Variants in IDE observed in about 807,000 individuals in gnomAD.
IDE encodes insulin-degrading enzyme.
Under a neutral mutation model 133.2 loss-of-function variants are expected in IDE, and 58 were observed. That is an observed-to-expected ratio of 0.44 (90% CI 0.35 to 0.54). The LOEUF (loss-of-function observed/expected upper bound fraction) is 0.54. Ranked by LOEUF, IDE falls within the 20% of genes least tolerant of loss-of-function variation. The pLI is 0.00. For synonymous variants in IDE, 396 were observed against 421.3 expected, an observed-to-expected ratio of 0.94 and a Z score of 0.73; for missense variants, 981 against 1,234.0, an observed-to-expected ratio of 0.79 and a Z score of 3.07.
In IDE at chr10:92,506,553, G is replaced by A. The variant is rs76303615; in HGVS notation, c.1246-31C>T. 1.2e-3 allele frequency: 1,289 copies of A among 1,075,714 alleles called. 7 individuals are homozygous for A. The highest frequency in any genetic ancestry group is 0.01 in the East Asian group (437 of 41,676). 66.6% of individuals were successfully genotyped at this position (1,075,714 alleles called of 1,614,324 possible). On this transcript the variant is annotated intron_variant, in intron 9 of 24. Transcript: ENST00000265986. ...ATAGAAAGTTAATCCAATTAGATAC[G>A]GCCACCCTTATTTAGAAACCTTTTT...
intron 3 of IDE, 124 bp downstream of exon 3, chr10:92,534,454 G>T: frequency 1.5e-6 from 1 of 647,412 alleles, no homozygotes; most frequent in Non-Finnish European, 2.6e-6. Context: ...AGAAAACACA[G>T]GGAAAAACAC....
chr10:92,530,437 C>T (rs1033991016), intron 4 of IDE, among the ~76,000 whole-genome samples: 11 of 151,878 alleles, frequency 7.2e-5, no homozygotes. Context: ...AGGCACACAC[C>T]ACCATGCCTG....
At chr10:92,493,319 T>G (rs1402386007) in intron 11 of IDE, among the ~76,000 whole-genome samples, 1 of 152,082 alleles carries the variant, frequency 6.6e-6, no homozygotes, top group Non-Finnish European at 1.5e-5. Context: ...TCAAGGAGAC[T>G]TCTAAAAAAT....
chr10:92,459,899 A>G (rs1845273464), intron 22 of IDE, among the ~76,000 whole-genome samples: 1 of 139,674 alleles, frequency 7.2e-6, no homozygotes, highest in Non-Finnish European at 1.5e-5. Context: ...GTGCGATCTC[A>G]GCTCACTGCA....
intron 4 of IDE, among the ~76,000 whole-genome samples, chr10:92,520,467 T>C (rs1013610172): frequency 1.3e-5 from 2 of 152,224 alleles, no homozygotes; most frequent in African/African-American, 2.4e-5. Context: ...TCCAATAGTA[T>C]GTTCTCAGGG....
At chr10:92,537,769 G>T (rs1842089455) in intron 1 of IDE, among the ~76,000 whole-genome samples, 1 of 152,118 alleles carries the variant, frequency 6.6e-6, no homozygotes, top group African/African-American at 2.4e-5. Context: ...AGCCATATTT[G>T]TATCTGAAAG....
chr10:92,460,042 T>C (rs988622882), intron 22 of IDE, among the ~76,000 whole-genome samples: 9 of 152,062 alleles, frequency 5.9e-5, no homozygotes, highest in Non-Finnish European at 1.0e-4. Flanking sequence ...TTTCACTATG[T>C]TGGCCAGGCT....
chr10:92,461,363 ATT>A, intron 21 of IDE, 111 bp from the exon 22 acceptor site: 3 of 481,526 alleles, frequency 6.2e-6, no homozygotes, highest in East Asian at 3.8e-5. Flanking sequence ...ATCCATATAT[ATT>A]TTTTTTTGAG....
intron 1 of IDE, chr10:92,558,969 T>C (rs1397142712): frequency 6.8e-6 from 1 of 147,074 alleles, no homozygotes; most frequent in Non-Finnish European, 1.5e-5. Flanking sequence ...AGAAAAAGGA[T>C]CTGAGTAGAC....
intron 1 of IDE, among the ~76,000 whole-genome samples, chr10:92,542,078 T>C (rs189258690): frequency 1.1e-3 from 160 of 152,348 alleles, no homozygotes; most frequent in Admixed American, 7.3e-3. Context: ...CATCACACTA[T>C]GCAAATGGTT....
At chr10:92,504,615 A>G (rs1848196143) in intron 11 of IDE, among the ~76,000 whole-genome samples, 179 bp downstream of exon 11, 1 of 152,196 alleles carries the variant, frequency 6.6e-6, no homozygotes. Context: ...GTATAGATTA[A>G]AAAAGACTGG....
In IDE at chr10:92,545,047, G is replaced by A. The variant is rs541162378; in HGVS notation, c.99-7497C>T. On this transcript the variant is annotated intron_variant, in intron 1 of 24. Transcript: ENST00000265986. ...GTACTTAAATTCAACAACCATTCAC[G>A]TATTTTTTTAAAGTCAGCAAACTGG... Among the ~76,000 whole-genome samples the A allele has an allele frequency of 5.9e-5, 9 of 152,002 alleles. No individual in the cohort carries two copies. In the South Asian group the frequency reaches 1.0e-3, roughly 18 times the overall value.
At chr10:92,556,490 G>A (rs985237475) in intron 1 of IDE, among the ~76,000 whole-genome samples, 2 of 152,188 alleles carry the variant, frequency 1.3e-5, no homozygotes, top group East Asian at 3.9e-4. Context: ...TGGGTGCAGT[G>A]GCTCACCCCT....
intron 1 of IDE, among the ~76,000 whole-genome samples, chr10:92,568,424 A>G (rs1257401470): frequency 6.6e-6 from 1 of 152,260 alleles, no homozygotes; most frequent in Non-Finnish European, 1.5e-5. Context: ...CAAAAGCTAT[A>G]AAACTAAAAT....
Position 92,505,218 on chromosome 10 carries a change from G to GA in IDE, c.1327-322dup, listed in dbSNP as rs1564630887. On this transcript the variant is annotated intron_variant, in intron 10 of 24. Transcript: ENST00000265986. The stretch of plus-strand genomic sequence containing the variant: ...TAAAAACTGAGTACTTGTTAATGAA[G>GA]AAAATTCGATATTAAAATGCTGACA... Among the ~76,000 whole-genome samples the GA allele has an allele frequency of 2.0e-5, 3 of 152,186 alleles. 1 individual carries two copies. The East Asian group carries it at 5.8e-4, about 29-fold the overall frequency.
intron 11 of IDE, among the ~76,000 whole-genome samples, chr10:92,492,191 C>T (rs759569467): frequency 6.6e-6 from 1 of 150,816 alleles, no homozygotes; most frequent in East Asian, 2.0e-4. Flanking sequence ...ACCCGGAAGG[C>T]GGAGCATGCA....
chr10:92,535,126 C>A (rs763978721), intron 2 of IDE, among the ~76,000 whole-genome samples: 20 of 152,132 alleles, frequency 1.3e-4, no homozygotes, highest in Admixed American at 3.3e-4. Context: ...ATTTTTGAGA[C>A]GGAGTCTTGC....
At chr10:92,455,426 A>T in intron 24 of IDE, 150 bp downstream of exon 24, 1 of 597,766 alleles carries the variant, frequency 1.7e-6, no homozygotes, top group East Asian at 2.8e-5. Context: ...TAGTGAGCTG[A>T]GCTGAGATCG....
chr10:92,510,105 T>C lies in IDE; in HGVS notation c.842A>G (p.Lys281Arg). 2 of 1,607,272 alleles carry C rather than the reference T, an allele frequency of 1.2e-6. No individual in the cohort carries two copies. The highest frequency in any genetic ancestry group is 1.7e-6 in the Non-Finnish European group (2 of 1,174,846). ...VVKLFSEVEN[K>R]NVPLPEFPEH... ...AGGAAATTCTGGCAATGGAACATTTTTGTTCTCTACTTCAGAAAATAACTT... is the reference window on the plus strand; with the variant it reads ...AGGAAATTCTGGCAATGGAACATTTCTGTTCTCTACTTCAGAAAATAACTT... Residue 281 changes from lysine (K) to arginine (R), a missense_variant, in exon 6 of 25, where the codon AAA (lysine) becomes AGA (arginine). Around this residue, in one of 2 missense-constraint regions of IDE, gnomAD observed 321 missense variants for 339.3 expected, o/e 0.95. Coordinates refer to ENST00000265986, the MANE Select transcript of IDE (RefSeq NM_004969.4).
Sources: gnomAD v4.1 joint callset for allele counts (sites outside exome capture counted in the v4.1 genomes callset) on GRCh38, gnomAD v4.1.1 for gene constraint, gnomAD v4.1.1 regional missense constraint, MANE v1.5 for transcripts, NCBI Gene and HGNC (gene_info 2026-07-23, HGNC 2026-07-21) for gene names.